The following ZC3H12B variants were observed in gnomAD, a reference collection of about 807,000 sequenced individuals.
The protein encoded by ZC3H12B is zinc finger CCCH-type containing 12B.
Under a neutral mutation model 43.9 loss-of-function variants are expected in ZC3H12B, and 7 were observed. That is an observed-to-expected ratio of 0.16 (90% CI 0.09 to 0.30). The LOEUF (loss-of-function observed/expected upper bound fraction) is 0.30, where lower values mean the gene tolerates loss of function less well. Among genes scored for constraint, ZC3H12B ranks in the 10% least tolerant of loss-of-function variants. The pLI, the probability that ZC3H12B is intolerant of heterozygous loss-of-function variation, is 1.00. For missense variants in ZC3H12B, 475 were observed against 670.2 expected (o/e 0.71, Z 3.22); for synonymous variants, 222 against 241.7 (o/e 0.92, Z 0.76).
intron 2 of ZC3H12B, among the ~76,000 whole-genome samples, chrX:65,392,816 T>C (rs889732524): frequency 4.4e-5 from 5 of 112,761 alleles, no homozygotes; most frequent in African/African-American, 1.3e-4. Flanking sequence ...GGGGGAAATG[T>C]GGGGAAAAGA....
the ZC3H12B span, among the ~76,000 whole-genome samples, chrX:65,164,242 C>T: frequency 9.0e-6 from 1 of 110,941 alleles, no homozygotes; most frequent in African/African-American, 3.3e-5. Flanking sequence ...GGAATGAAAT[C>T]ACAGGGGGTC....
the ZC3H12B span, among the ~76,000 whole-genome samples, chrX:65,205,841 G>A: frequency 8.9e-6 from 1 of 111,734 alleles, no homozygotes; most frequent in Non-Finnish European, 1.9e-5. Flanking sequence ...CAAAATTAAT[G>A]TACGCACATC....
intron 3 of ZC3H12B, among the ~76,000 whole-genome samples, chrX:65,472,310 C>A (rs1239468346): frequency 9.0e-6 from 1 of 111,233 alleles, no homozygotes; most frequent in Admixed American, 9.6e-5. Flanking sequence ...TATATGTTTT[C>A]CAAATATTTT....
the ZC3H12B span, among the ~76,000 whole-genome samples, chrX:65,324,414 C>A: frequency 1.8e-5 from 2 of 110,819 alleles, no homozygotes; most frequent in Non-Finnish European, 3.8e-5. Context: ...TTATTTGAGA[C>A]CTTTCTTTTT....
At chrX:65,157,302 C>T in the ZC3H12B span, among the ~76,000 whole-genome samples, 2 of 112,140 alleles carry the variant, frequency 1.8e-5, no homozygotes, top group Admixed American at 9.5e-5. Context: ...TGCTTTAATG[C>T]CATTGGTCTT....
the ZC3H12B span, among the ~76,000 whole-genome samples, chrX:65,154,835 CCTGT>C: frequency 2.5e-4 from 28 of 111,431 alleles, no homozygotes; most frequent in Admixed American, 2.3e-3. Flanking sequence ...AGAGCAAGAC[CCTGT>C]CTAATAAATT....
the ZC3H12B span, among the ~76,000 whole-genome samples, chrX:65,162,283 C>A: frequency 9.0e-6 from 1 of 110,934 alleles, no homozygotes; most frequent in African/African-American, 3.3e-5. Flanking sequence ...TTGTGGTGTT[C>A]TCTGTATTTC....
chrX:65,117,095 A>G, the ZC3H12B span, among the ~76,000 whole-genome samples: 2 of 112,199 alleles, frequency 1.8e-5, no homozygotes, highest in South Asian at 7.4e-4. Flanking sequence ...TGGCTGGGTC[A>G]AATGGTATGT....
At chrX:65,138,439 T>G in the ZC3H12B span, among the ~76,000 whole-genome samples, 1 of 112,077 alleles carries the variant, frequency 8.9e-6, no homozygotes, top group East Asian at 2.8e-4. Context: ...TGAATACAAT[T>G]TTATTGTGTA....
chrX:65,196,406 G>C, the ZC3H12B span, among the ~76,000 whole-genome samples: 3 of 111,247 alleles, frequency 2.7e-5, no homozygotes, highest in Non-Finnish European at 5.7e-5. Context: ...ACCAAATTCC[G>C]GGGGGGATTT....
intron 2 of ZC3H12B, among the ~76,000 whole-genome samples, chrX:65,384,688 A>G (rs1462271468): frequency 9.0e-6 from 1 of 111,637 alleles, no homozygotes; most frequent in Non-Finnish European, 1.9e-5. Context: ...ATGTAAATGG[A>G]CTAAATTCTA....
chrX:65,354,017 AG>A, the ZC3H12B span, among the ~76,000 whole-genome samples: 1 of 111,586 alleles, frequency 9.0e-6, no homozygotes, highest in Non-Finnish European at 1.9e-5. Flanking sequence ...ACCTAGGGGA[AG>A]GGGCGGTTGT....
At position 65,400,169 on chromosome X, in the gene ZC3H12B, T is replaced by C. The variant is rs755343231; in HGVS notation, n.407+1465T>C. ...AAACAATATTTTAAAATAAAAAATA[T>C]TTAAAATAAAAAATACCAAAGCATC... On this transcript the variant is annotated intron_variant and non_coding_transcript_variant, in intron 3 of 5. Coordinates refer to the ZC3H12B transcript ENST00000617377. Among the ~76,000 whole-genome samples, 426 of 111,686 alleles carry C rather than the reference T, an allele frequency of 3.8e-3. 1 individual carries two copies. Among genetic ancestry groups the C allele is most frequent in the African/African-American group, 0.013 (408 of 30,862 alleles).
chrX:65,067,369 C>T, the ZC3H12B span, among the ~76,000 whole-genome samples: 7 of 111,640 alleles, frequency 6.3e-5, no homozygotes, highest in Non-Finnish European at 9.4e-5. Flanking sequence ...AGCACAGTCT[C>T]GCACAGCTTC....
intron 3 of ZC3H12B, among the ~76,000 whole-genome samples, chrX:65,426,491 G>A (rs2067085563): frequency 2.8e-5 from 3 of 107,242 alleles, no homozygotes; most frequent in South Asian, 4.1e-4. Context: ...TTTGATCTTG[G>A]TTATTTCTTG....
At chrX:65,114,916 A>ATTTTTTTTT in the ZC3H12B span, among the ~76,000 whole-genome samples, 3 of 19,323 alleles carry the variant, frequency 1.6e-4, no homozygotes, top group African/African-American at 5.3e-4. Context: ...GTGTCTCAGG[A>ATTTTTTTTT]TTTTTTTTTT....
chrX:65,039,571 A>G, the ZC3H12B span, among the ~76,000 whole-genome samples: 1 of 111,127 alleles, frequency 9.0e-6, no homozygotes, highest in Non-Finnish European at 1.9e-5. Context: ...GTGTATATTG[A>G]TTTGTTCTCA....
intron 3 of ZC3H12B, among the ~76,000 whole-genome samples, chrX:65,407,771 G>C (rs780953942): frequency 8.8e-6 from 1 of 113,576 alleles, no homozygotes; most frequent in Non-Finnish European, 1.9e-5. Context: ...GAGGCCGGGG[G>C]GTTGGAGCAC....
chrX:65,407,535 C>A (rs755237101), intron 3 of ZC3H12B, among the ~76,000 whole-genome samples: 1 of 113,656 alleles, frequency 8.8e-6, no homozygotes, highest in South Asian at 3.5e-4. Context: ...TTGCGGGAGT[C>A]GCCCCGAAAG....
Sources: gnomAD v4.1 joint callset for allele counts (sites outside exome capture counted in the v4.1 genomes callset) on GRCh38, gnomAD v4.1.1 for gene constraint, MANE v1.5 for transcripts, NCBI Gene and HGNC (gene_info 2026-07-23, HGNC 2026-07-21) for gene names.